PLBD2: variants seen among roughly 807,000 people sequenced by gnomAD.
The protein encoded by PLBD2 is putative aminopeptidase PLBD2.
Under a neutral mutation model 68.3 loss-of-function variants are expected in PLBD2, and 51 were observed. That is an observed-to-expected ratio of 0.75 (90% confidence interval 0.60 to 0.94). PLBD2 has a LOEUF of 0.94. PLBD2 is among the 40% of genes least tolerant of loss of function. PLBD2 has a pLI of 0.00. For missense variants in PLBD2, 729 were observed against 792.2 expected (o/e 0.92, Z 0.96); for synonymous variants, 314 against 339.3 (o/e 0.93, Z 0.82).
intron 6 of PLBD2, among the ~76,000 whole-genome samples, chr12:113,382,836 TG>T (rs796568841): frequency 0.023 from 1,401 of 60,738 alleles, 17 homozygotes; most frequent in Middle Eastern, 0.073. Context: ...GGTGGTTTTT[TG>T]TGTGTGTGTG....
intron 6 of PLBD2, among the ~76,000 whole-genome samples, chr12:113,383,118 G>C (rs898526900): frequency 6.6e-6 from 1 of 152,174 alleles, no homozygotes; most frequent in South Asian, 2.1e-4. Flanking sequence ...AGGGAGAGGA[G>C]GCAATCGGAG....
chr12:113,380,202 T>C (rs1422389226), intron 5 of PLBD2, among the ~76,000 whole-genome samples: 1 of 152,216 alleles, frequency 6.6e-6, no homozygotes, highest in African/African-American at 2.4e-5. Context: ...AGTGGCGCGA[T>C]CTCGGCTCGC....
At position 113,389,974 on chromosome 12, in the gene PLBD2, T is replaced by C. The variant is rs1334143895; in HGVS notation, c.*1348T>C. On this transcript the variant is annotated 3_prime_UTR_variant, in exon 12 of 12. Coordinates refer to ENST00000280800, the MANE Select transcript of PLBD2 (RefSeq NM_173542.4). ...GCCCGTCTTGGCCTCCCAAAGTGCT[T>C]GGATTACAGATGTGAGCCCCCGCAC... 1.3e-5 allele frequency: 2 copies of C among 151,988 alleles called. No individual in the cohort carries two copies. Among genetic ancestry groups the C allele is most frequent in the Admixed American group, 6.6e-5 (1 of 15,234 alleles). 9.4% of individuals were successfully genotyped at this position (151,988 alleles called of 1,614,324 possible). A position where few individuals can be genotyped will look rare whatever the true frequency, so the allele number is the denominator to read the frequency against.
At chr12:113,368,654 C>T (rs1957361823) in intron 1 of PLBD2, among the ~76,000 whole-genome samples, 1 of 152,100 alleles carries the variant, frequency 6.6e-6, no homozygotes, top group Non-Finnish European at 1.5e-5. Context: ...AGGGCATGGA[C>T]ATGGGGGTGG....
At chr12:113,367,348 C>T (rs1011616919) in intron 1 of PLBD2, among the ~76,000 whole-genome samples, 23 of 152,174 alleles carry the variant, frequency 1.5e-4, no homozygotes, top group African/African-American at 5.6e-4. Flanking sequence ...TGCTAGTAAT[C>T]ATTTTAGTGA....
chr12:113,388,554 C>A lies in PLBD2; in HGVS notation c.1698C>A (p.Pro566=). The A allele has an allele frequency of 6.2e-7, 1 of 1,611,388 alleles. No homozygotes were observed. The highest frequency in any genetic ancestry group is 8.5e-7 in the Non-Finnish European group (1 of 1,178,666). ...QVPPFQWSTS[P]FSGLLHMGQP... Reference sequence around the variant, plus strand: ...CCCCGTTCCAGTGGAGCACCTCGCCCTTCAGCGGCCTGCTGCACATGGGCC... The same window carrying A: ...CCCCGTTCCAGTGGAGCACCTCGCCATTCAGCGGCCTGCTGCACATGGGCC... Residue 566 remains proline, a synonymous_variant, in exon 12 of 12, where the codon CCC becomes CCA. Coordinates refer to ENST00000280800, the MANE Select transcript of PLBD2 (RefSeq NM_173542.4).
chr12:113,377,728 T>C (rs138071988), intron 5 of PLBD2, among the ~76,000 whole-genome samples: 2 of 152,264 alleles, frequency 1.3e-5, no homozygotes, highest in Admixed American at 1.3e-4. Flanking sequence ...GAATGTCATA[T>C]GAATGGAATC....
chr12:113,374,647 C>T, intron 4 of PLBD2, 73 bp downstream of exon 4: 6 of 1,464,250 alleles, frequency 4.1e-6, no homozygotes, highest in Non-Finnish European at 5.6e-6. Context: ...ACCTGGGTTC[C>T]AGCATCAACC....
Position 113,386,943 on chromosome 12 carries a change from C to T in PLBD2, c.1293C>T (p.Phe431=), listed in dbSNP as rs183678191. ...TYWASYNIPS[F]ETVFNASGLQ... ...CCATCCTTGTCCCCGGCAGGTCCTT[C>T]GAGACTGTGTTCAATGCCAGTGGGC... Residue 431 remains phenylalanine, a synonymous_variant, in exon 10 of 12, where the codon TTC becomes TTT. Transcript: ENST00000280800. 4.4e-5 allele frequency: 71 copies of T among 1,613,102 alleles called. No homozygotes were observed. The highest frequency in any genetic ancestry group is 3.3e-4 in the Middle Eastern group (2 of 6,046).
chr12:113,381,264 C>T lies in PLBD2; in HGVS notation c.957+422C>T, dbSNP rs372582134. On this transcript the variant is annotated intron_variant, in intron 6 of 11. Coordinates refer to ENST00000280800, the MANE Select transcript of PLBD2 (RefSeq NM_173542.4). Reference sequence around the variant, plus strand: ...GCCCCCGCCCCCCCCACATCCCCACCGCTTCCCTCTCCTCCTGCCTCCCTC... The same window carrying T: ...GCCCCCGCCCCCCCCACATCCCCACTGCTTCCCTCTCCTCCTGCCTCCCTC... Among the ~76,000 whole-genome samples, 61 of 151,952 alleles carry T rather than the reference C, an allele frequency of 4.0e-4. 1 individual carries two copies. The highest frequency in any genetic ancestry group is 1.4e-3 in the African/African-American group (58 of 41,412).
Position 113,384,721 on chromosome 12 carries a change from G to T in PLBD2, c.1119-130G>T, listed in dbSNP as rs570305800. On this transcript the variant is annotated intron_variant, in intron 7 of 11. Transcript: ENST00000280800. This position sits in a 1 kb window ranked among gnomAD's most constrained non-coding sequence, Gnocchi z 4.2. ...CCTGGTCATGCTGCAGCGTCAGGGT[G>T]TCAGTTGAATGGCTGGACAACCCCA... 2 of 681,932 alleles carry T rather than the reference G, an allele frequency of 2.9e-6. No homozygotes were observed. The highest frequency in any genetic ancestry group is 3.5e-5 in the South Asian group (2 of 57,452). The allele number at this position is 681,932 out of a possible 1,614,324, so 42.2% of individuals were successfully genotyped here.
rs910929393 is a variant in PLBD2 at position 113,380,250 on chromosome 12, A to C, written c.860-495A>C. On this transcript the variant is annotated intron_variant, in intron 5 of 11. Coordinates refer to ENST00000280800, the MANE Select transcript of PLBD2 (RefSeq NM_173542.4). ...CTCCCGGGTTCACGCCATTCTCCTG[A>C]CCCAGCCTCCCAAGTAGCTGGGACT... is the stretch of plus-strand genomic sequence containing the variant. 4.0e-5 allele frequency among the ~76,000 whole-genome samples: 6 copies of C among 151,762 alleles called. No homozygotes were observed. In the South Asian group the frequency reaches 1.2e-3, roughly 31 times the overall value.
chr12:113,372,508 C>T lies in PLBD2; in HGVS notation c.385-141C>T. Reference sequence around the variant, plus strand: ...GGCAGAGCTGGGCAGGGAGAGGAGCCTCCAGGGAGAGGACAGCATGAGCAA... The same window carrying T: ...GGCAGAGCTGGGCAGGGAGAGGAGCTTCCAGGGAGAGGACAGCATGAGCAA... On this transcript the variant is annotated intron_variant, in intron 2 of 11. Coordinates refer to ENST00000280800, the MANE Select transcript of PLBD2 (RefSeq NM_173542.4). This position sits in a 1 kb window ranked among gnomAD's most constrained non-coding sequence, Gnocchi z 4.2. 1.1e-6 allele frequency: 1 copy of T among 919,570 alleles called. No homozygotes were observed. The highest frequency in any genetic ancestry group is 1.6e-6 in the Non-Finnish European group (1 of 607,788). 57.0% of individuals were successfully genotyped at this position (919,570 alleles called of 1,614,324 possible).
At position 113,384,879 on chromosome 12, in the gene PLBD2, T is replaced by C; in HGVS notation, c.1147T>C (p.Tyr383His). 1 of 1,597,742 alleles carries C rather than the reference T, an allele frequency of 6.3e-7. No homozygotes were observed. Among genetic ancestry groups the C allele is most frequent in the Non-Finnish European group, 8.5e-7 (1 of 1,170,258 alleles). The change falls in exon 8 of 12, where the codon TAC becomes CAC. Residue 383 changes from tyrosine (Y) to histidine (H), a missense_variant. By Grantham distance (83) the Tyr-to-His change is moderately conservative. Transcript: ENST00000280800. This position sits in a 1 kb window ranked among gnomAD's most constrained non-coding sequence, Gnocchi z 4.2. ...TYNNQWMIVD[Y>H]KAFIPGGPSP... Reference sequence around the variant, plus strand: ...TAACAACCAGTGGATGATCGTGGACTACAAGGCGTTCATCCCGGGTGGGCC... The same window carrying C: ...TAACAACCAGTGGATGATCGTGGACCACAAGGCGTTCATCCCGGGTGGGCC...
rs1957393281 is a variant in PLBD2 at position 113,372,011 on chromosome 12, G to C, written c.385-638G>C. ...GGAAGTCATGGAGGCCTGCATGGAG[G>C]AGGTGGTGTCTTAGTGGGCCTTGAA... is the stretch of plus-strand genomic sequence containing the variant. On this transcript the variant is annotated intron_variant, in intron 2 of 11. Transcript: ENST00000280800. The surrounding 1 kb of genome is among the most constrained non-coding windows in gnomAD (Gnocchi z 4.2). 6.6e-6 allele frequency among the ~76,000 whole-genome samples: 1 copy of C among 152,230 alleles called. No homozygotes were observed. Among genetic ancestry groups the C allele is most frequent in the African/African-American group, 2.4e-5 (1 of 41,454 alleles).
intron 6 of PLBD2, among the ~76,000 whole-genome samples, chr12:113,383,209 A>G (rs1957513405): frequency 6.6e-6 from 1 of 152,110 alleles, no homozygotes; most frequent in African/African-American, 2.4e-5. Context: ...TAGTCCTCTG[A>G]CTGCTGCATC....
intron 5 of PLBD2, 40 bp downstream of exon 5, chr12:113,375,047 G>T (rs987287869): frequency 1.3e-6 from 2 of 1,593,866 alleles, no homozygotes; most frequent in African/African-American, 2.7e-5. Context: ...GAGCAGGTGG[G>T]TGGGCACACA....
chr12:113,382,834 TTTGTG>T (rs1957504834), intron 6 of PLBD2, among the ~76,000 whole-genome samples: 1 of 130,358 alleles, frequency 7.7e-6, no homozygotes. Flanking sequence ...GTGGTGGTTT[TTTGTG>T]TGTGTGTGTG....
chr12:113,375,308 G>A, intron 5 of PLBD2: 1 of 405,380 alleles, frequency 2.5e-6, no homozygotes, highest in Admixed American at 4.2e-5. Context: ...ACCACACTCA[G>A]CTAATTTGTT....
Sources: allele counts gnomAD v4.1 joint callset (sites outside exome capture counted in the v4.1 genomes callset), GRCh38; gene constraint gnomAD v4.1.1; non-coding constraint Gnocchi (gnomAD v3.1); transcripts MANE v1.5; gene names NCBI Gene and HGNC (gene_info 2026-07-23, HGNC 2026-07-21).